EMILIN2: variants seen among roughly 807,000 people sequenced by gnomAD.
EMILIN2 encodes the protein elastin microfibril interfacer 2, also known as EMILIN-2.
EMILIN2 carries 71 observed loss-of-function variants against 87.1 expected under a neutral mutation model. The observed-to-expected ratio is 0.82, with a 90% CI of 0.67 to 0.99. The LOEUF is 0.99. Ranked by LOEUF, EMILIN2 falls within the 50% of genes least tolerant of loss-of-function variation. The pLI, the probability that EMILIN2 is intolerant of heterozygous loss-of-function variation, is 0.00. For missense variants in EMILIN2, 1,407 were observed against 1,371.8 expected (o/e 1.03, Z -0.40); for synonymous variants, 581 against 563.4 (o/e 1.03, Z -0.44).
At chr18:2,850,432 G>T (rs894799135) in intron 2 of EMILIN2, among the ~76,000 whole-genome samples, 6 of 151,720 alleles carry the variant, frequency 4.0e-5, no homozygotes, top group African/African-American at 1.5e-4. Flanking sequence ...TAGAGACAGG[G>T]TCTCACTGTG....
chr18:2,859,397 C>G (rs899186859), intron 2 of EMILIN2, among the ~76,000 whole-genome samples: 5 of 152,042 alleles, frequency 3.3e-5, no homozygotes, highest in African/African-American at 4.8e-5. Context: ...ATGTCCTTAG[C>G]CTACTTTTTG....
At chr18:2,884,599 A>G (rs1049733997) in intron 2 of EMILIN2, among the ~76,000 whole-genome samples, 1 of 152,246 alleles carries the variant, frequency 6.6e-6, no homozygotes. Context: ...CACCTGAAAC[A>G]AATCCCCACA....
intron 2 of EMILIN2, among the ~76,000 whole-genome samples, chr18:2,864,201 G>T (rs1356238357): frequency 6.6e-6 from 1 of 152,118 alleles, no homozygotes; most frequent in Non-Finnish European, 1.5e-5. Flanking sequence ...CTTTTAATTG[G>T]AGCATTTAGC....
In EMILIN2 at chr18:2,914,704, T is replaced by TTA. The variant is rs112898403; in HGVS notation, c.*1302_*1303dup. On this transcript the variant is annotated 3_prime_UTR_variant, in exon 8 of 8. Transcript: ENST00000254528. ...AGTTTCCTTGGCCCACAAGATGCTC[T>TTA]TATGCTGTAAAAAAAATGCTTTAAG... The TTA allele has an allele frequency of 3.3e-5, 5 of 152,080 alleles. No individual in the cohort carries two copies. The highest frequency in any genetic ancestry group is 1.2e-4 in the African/African-American group (5 of 41,504). 9.4% of individuals were successfully genotyped at this position (152,080 alleles called of 1,614,324 possible).
At chr18:2,877,963 C>T (rs2076757875) in intron 2 of EMILIN2, among the ~76,000 whole-genome samples, 1 of 152,142 alleles carries the variant, frequency 6.6e-6, no homozygotes. Context: ...GAGACAAATA[C>T]TCTATGATTG....
chr18:2,892,873 G>A (rs1242427017), intron 4 of EMILIN2, among the ~76,000 whole-genome samples: 11 of 149,302 alleles, frequency 7.4e-5, no homozygotes, highest in Non-Finnish European at 1.6e-4. Flanking sequence ...CCAACATGGC[G>A]AAAATCCGTC....
chr18:2,883,753 G>A lies in EMILIN2; in HGVS notation c.258-1211G>A, dbSNP rs558339403. ...ATGAGGGGATGTGCACTGTCAACAG[G>A]ACTTTTTGAGTGCTTCCAATTCTGC... is the stretch of plus-strand genomic sequence containing the variant. On this transcript the variant is annotated intron_variant, in intron 2 of 7. Transcript: ENST00000254528. Among the ~76,000 whole-genome samples, 37 of 152,306 alleles carry A rather than the reference G, an allele frequency of 2.4e-4. No individual in the cohort carries two copies. The South Asian group carries it at 3.5e-3, about 15-fold the overall frequency.
chr18:2,847,334 C>A lies in EMILIN2; in HGVS notation c.134+12C>A. ...AGCGCCAGGAACAAGTAAGTGCGCG[C>A]CCCTTGGCTGGCCCCAAACCGCCTA... is the stretch of plus-strand genomic sequence containing the variant. On this transcript the variant is annotated intron_variant, in intron 1 of 7. Coordinates refer to ENST00000254528, the MANE Select transcript of EMILIN2 (RefSeq NM_032048.3). The surrounding 1 kb of genome is among the most constrained non-coding windows in gnomAD (Gnocchi z 4.5). 1 of 1,309,316 alleles carries A rather than the reference C, an allele frequency of 7.6e-7. No homozygotes were observed. Among genetic ancestry groups the A allele is most frequent in the Non-Finnish European group, 9.7e-7 (1 of 1,032,120 alleles). 81.1% of individuals were successfully genotyped at this position (1,309,316 alleles called of 1,614,324 possible). A position where few individuals can be genotyped will look rare whatever the true frequency, so the allele number is the denominator to read the frequency against.
chr18:2,868,733 C>A (rs982255444), intron 2 of EMILIN2, among the ~76,000 whole-genome samples: 55 of 152,208 alleles, frequency 3.6e-4, no homozygotes, highest in African/African-American at 6.8e-4. Context: ...TGCAGTGAGC[C>A]GAGATGGCAG....
intron 2 of EMILIN2, among the ~76,000 whole-genome samples, chr18:2,858,522 C>CATATAT (rs202158489): frequency 6.4e-3 from 291 of 45,628 alleles, no homozygotes; most frequent in Non-Finnish European, 7.6e-3. Flanking sequence ...AGTATTCCAT[C>CATATAT]ATATATATAT....
intron 4 of EMILIN2, among the ~76,000 whole-genome samples, chr18:2,903,562 C>T (rs896239514): frequency 7.2e-5 from 11 of 152,170 alleles, no homozygotes; most frequent in African/African-American, 2.7e-4. Flanking sequence ...TCCCAATTCC[C>T]AACAGAGTTA....
At chr18:2,893,568 G>A (rs1208931876) in intron 4 of EMILIN2, among the ~76,000 whole-genome samples, 2 of 152,166 alleles carry the variant, frequency 1.3e-5, no homozygotes, top group East Asian at 3.8e-4. Flanking sequence ...TTTGTTACTT[G>A]TGGGTGCTAA....
chr18:2,848,023 G>A lies in EMILIN2; in HGVS notation c.257+92G>A. 2.2e-6 allele frequency: 3 copies of A among 1,384,900 alleles called. No individual in the cohort carries two copies. The highest frequency in any genetic ancestry group is 1.4e-5 in the South Asian group (1 of 69,512). The allele number at this position is 1,384,900 out of a possible 1,614,324, so 85.8% of individuals were successfully genotyped here. A position where few individuals can be genotyped will look rare whatever the true frequency, so the allele number is the denominator to read the frequency against. On this transcript the variant is annotated intron_variant, in intron 2 of 7. Transcript: ENST00000254528. This position sits in a 1 kb window ranked among gnomAD's most constrained non-coding sequence, Gnocchi z 4.1. ...TGCTGCGCTGGGCTCCAGTCCCTCC[G>A]GTAAATCCCTTCCAGATCCGGTGAA... is the stretch of plus-strand genomic sequence containing the variant.
At chr18:2,903,237 G>A (rs1032963729) in intron 4 of EMILIN2, among the ~76,000 whole-genome samples, 2 of 152,112 alleles carry the variant, frequency 1.3e-5, no homozygotes, top group African/African-American at 4.8e-5. Context: ...CAGCTTCTGA[G>A]CCAGGGAGAC....
chr18:2,906,147 G>A (rs1248349254), intron 4 of EMILIN2: 11 of 152,198 alleles, frequency 7.2e-5, no homozygotes, highest in Non-Finnish European at 1.5e-5. Context: ...GGGCTTCCTG[G>A]AGGGCTCGTT....
intron 2 of EMILIN2, among the ~76,000 whole-genome samples, chr18:2,881,998 G>GGGCCGCTTCCTCCAATGTAA (rs1236087357): frequency 1.3e-5 from 2 of 152,176 alleles, no homozygotes; most frequent in African/African-American, 4.8e-5. Flanking sequence ...TCTCCAGGTG[G>GGGCCGCTTCCTCCAATGTAA]GGCCGCTTCC....
Position 2,847,150 on chromosome 18 carries a change from C to T in EMILIN2, c.-39C>T, listed in dbSNP as rs2076578573. The T allele has an allele frequency of 9.4e-7, 1 of 1,066,304 alleles. No individual in the cohort carries two copies. Among genetic ancestry groups the T allele is most frequent in the Non-Finnish European group, 1.1e-6 (1 of 885,710 alleles). 66.1% of individuals were successfully genotyped at this position (1,066,304 alleles called of 1,614,324 possible). ...GGCCGGTGCCCCGATCCGCCGCGCTCCGGACCCGGGCAGGCGGGGCGCGCC... is the reference window on the plus strand; with the variant it reads ...GGCCGGTGCCCCGATCCGCCGCGCTTCGGACCCGGGCAGGCGGGGCGCGCC... On this transcript the variant is annotated 5_prime_UTR_variant, in exon 1 of 8. Coordinates refer to ENST00000254528, the MANE Select transcript of EMILIN2 (RefSeq NM_032048.3). The surrounding 1 kb of genome is among the most constrained non-coding windows in gnomAD (Gnocchi z 4.5).
chr18:2,863,843 G>A (rs1245581562), intron 2 of EMILIN2, among the ~76,000 whole-genome samples: 1 of 152,118 alleles, frequency 6.6e-6, no homozygotes, highest in Non-Finnish European at 1.5e-5. Flanking sequence ...CATTATTATT[G>A]TGTGGGAGTC....
In EMILIN2 at chr18:2,884,968, C is replaced by A; in HGVS notation, c.262C>A (p.Arg88=). The A allele has an allele frequency of 6.3e-7, 1 of 1,597,514 alleles. No individual in the cohort carries two copies. The highest frequency in any genetic ancestry group is 8.5e-7 in the Non-Finnish European group (1 of 1,171,214). ...QMPCPSALVY[R]VNFRPRYVTR... is the part of the protein sequence containing the mutation. ...TGCCATCCCTTCTGTCCACAGGTAT[C>A]GAGTGAACTTCAGACCTAGATATGT... The change falls in exon 3 of 8, where the codon CGA becomes AGA. Residue 88 remains arginine, a synonymous_variant. Transcript: ENST00000254528.
Sources: gnomAD v4.1 joint callset for allele counts (sites outside exome capture counted in the v4.1 genomes callset) on GRCh38, gnomAD v4.1.1 for gene constraint, Gnocchi (gnomAD v3.1) non-coding constraint, MANE v1.5 for transcripts, NCBI Gene and HGNC (gene_info 2026-07-23, HGNC 2026-07-21) for gene names.